KMT2C: variants seen among roughly 807,000 people sequenced by gnomAD.
The protein encoded by KMT2C is lysine methyltransferase 2C.
A neutral mutation model predicts 507.9 loss-of-function variants in KMT2C; 88 were observed. The ratio of observed to expected loss-of-function variants is 0.17; its 90% CI spans 0.15 to 0.21. KMT2C has a LOEUF of 0.21. Among genes scored for constraint, KMT2C ranks in the 10% least tolerant of loss-of-function variants. The pLI, the probability that KMT2C is intolerant of heterozygous loss-of-function variation, is 1.00. For missense variants in KMT2C, 4,954 were observed against 5,957.8 expected (o/e 0.83, Z 5.55); for synonymous variants, 2,049 against 2,080.8 (o/e 0.98, Z 0.42).
At chr7:152,379,452 C>T (rs111545456) in intron 1 of KMT2C, among the ~76,000 whole-genome samples, 1 of 151,726 alleles carries the variant, frequency 6.6e-6, no homozygotes, top group Admixed American at 6.6e-5. Flanking sequence ...GCAGGAGAAT[C>T]GCCTGAACCC....
At chr7:152,426,436 T>C (rs978631878) in intron 1 of KMT2C, among the ~76,000 whole-genome samples, 1 of 151,860 alleles carries the variant, frequency 6.6e-6, no homozygotes, top group Non-Finnish European at 1.5e-5. Context: ...GGGATCTCAC[T>C]ATGTTGCCCA....
chr7:152,350,883 A>T (rs2129226062), intron 2 of KMT2C, among the ~76,000 whole-genome samples: 1 of 152,222 alleles, frequency 6.6e-6, no homozygotes, highest in East Asian at 1.9e-4. Flanking sequence ...TAAAACACAC[A>T]CTGTACAGCT....
At chr7:152,245,403 A>G (rs1313250526) in intron 14 of KMT2C, among the ~76,000 whole-genome samples, 4 of 152,230 alleles carry the variant, frequency 2.6e-5, no homozygotes, top group African/African-American at 9.6e-5. Context: ...AGTATAAAGC[A>G]TCTTGTTCAT....
In KMT2C at chr7:152,309,507, CTTTTTT is replaced by C. The variant is rs60166582; in HGVS notation, c.849+453_849+458del. Among the ~76,000 whole-genome samples, 453 of 87,974 alleles carry C rather than the reference CTTTTTT, an allele frequency of 5.1e-3. 3 individuals are homozygous for C. The highest frequency in any genetic ancestry group is 0.019 in the African/African-American group (404 of 21,070). 57.7% of individuals were successfully genotyped at this position (87,974 alleles called of 152,430 possible). On this transcript the variant is annotated intron_variant, in intron 6 of 58. Coordinates refer to ENST00000262189, the MANE Select transcript of KMT2C (RefSeq NM_170606.3). ...CCCGGCTAATTTTTGCATAAAATAA[CTTTTTT>C]TTTTTTTTTTTTTTTTTTTTTAATT...
chr7:152,175,951 G>C (rs1176008827), intron 38 of KMT2C, among the ~76,000 whole-genome samples: 1 of 152,126 alleles, frequency 6.6e-6, no homozygotes, highest in Non-Finnish European at 1.5e-5. Context: ...GCTGAGGCAG[G>C]AGAATCACTT....
chr7:152,304,592 G>A (rs2129195451), intron 6 of KMT2C, among the ~76,000 whole-genome samples: 1 of 152,300 alleles, frequency 6.6e-6, no homozygotes, highest in East Asian at 1.9e-4. Flanking sequence ...CATTCTCAAT[G>A]TTGAAATGTC....
At chr7:152,207,264 T>A in intron 24 of KMT2C, 36 bp downstream of exon 24, 1 of 1,377,854 alleles carries the variant, frequency 7.3e-7, no homozygotes. Context: ...TAACCAAGTG[T>A]TGATGATATT....
At chr7:152,371,023 A>C (rs1174067150) in intron 1 of KMT2C, among the ~76,000 whole-genome samples, 1 of 152,246 alleles carries the variant, frequency 6.6e-6, no homozygotes, top group Non-Finnish European at 1.5e-5. Flanking sequence ...CTTCAAATTG[A>C]AACAAAAGAA....
intron 23 of KMT2C, among the ~76,000 whole-genome samples, chr7:152,213,832 G>A (rs1274659722): frequency 1.3e-5 from 2 of 150,430 alleles, no homozygotes; most frequent in African/African-American, 2.4e-5. Flanking sequence ...TCTGATAAGG[G>A]GTTAAAATCC....
At chr7:152,170,015 A>T (rs1482561480) in intron 40 of KMT2C, among the ~76,000 whole-genome samples, 2 of 152,258 alleles carry the variant, frequency 1.3e-5, no homozygotes, top group Non-Finnish European at 2.9e-5. Flanking sequence ...AGTTCTCCTT[A>T]ACATGAGCTG....
intron 44 of KMT2C, chr7:152,157,696 G>A (rs2092158853): frequency 3.1e-6 from 3 of 982,486 alleles, no homozygotes; most frequent in Admixed American, 9.8e-5. Context: ...AATAAGACAA[G>A]CTCTATCAAT....
At chr7:152,425,814 A>C (rs904819389) in intron 1 of KMT2C, among the ~76,000 whole-genome samples, 29 of 152,250 alleles carry the variant, frequency 1.9e-4, no homozygotes, top group South Asian at 2.1e-4. Context: ...GAGACCATCA[A>C]GTATGCTGCT....
chr7:152,317,640 C>A (rs961206086), intron 3 of KMT2C, among the ~76,000 whole-genome samples: 1 of 152,152 alleles, frequency 6.6e-6, no homozygotes, highest in Non-Finnish European at 1.5e-5. Context: ...TATGTTAACA[C>A]CTGTGACCAA....
At chr7:152,204,642 G>A (rs546343369) in intron 25 of KMT2C, among the ~76,000 whole-genome samples, 1 of 151,938 alleles carries the variant, frequency 6.6e-6, no homozygotes, top group Admixed American at 6.6e-5. Context: ...TAGATAGACA[G>A]ACAGATACAT....
At chr7:152,289,593 G>C (rs112385827) in intron 6 of KMT2C, among the ~76,000 whole-genome samples, 16 of 152,024 alleles carry the variant, frequency 1.1e-4, no homozygotes, top group South Asian at 6.2e-4. Context: ...CATATTTCTT[G>C]AAAAAAGGAA....
At chr7:152,216,201 G>C (rs185800483) in intron 23 of KMT2C, among the ~76,000 whole-genome samples, 138 of 152,292 alleles carry the variant, frequency 9.1e-4, no homozygotes, top group African/African-American at 3.2e-3. Flanking sequence ...GACAAACAGA[G>C]TGTTATTTTA....
chr7:152,301,697 A>T (rs1232111781), intron 6 of KMT2C, among the ~76,000 whole-genome samples: 1 of 152,168 alleles, frequency 6.6e-6, no homozygotes, highest in African/African-American at 2.4e-5. Context: ...AAACAGAAGT[A>T]GAAGCAAACA....
chr7:152,222,735 C>G, intron 20 of KMT2C, 53 bp from the exon 21 acceptor site: 3 of 989,824 alleles, frequency 3.0e-6, no homozygotes, highest in South Asian at 2.7e-5. Context: ...ATACTGAGAA[C>G]TGCTACCTTT....
At chr7:152,432,735 A>C (rs533556875) in intron 1 of KMT2C, among the ~76,000 whole-genome samples, 2 of 152,374 alleles carry the variant, frequency 1.3e-5, no homozygotes, top group Admixed American at 6.5e-5. Flanking sequence ...TAACACTATA[A>C]GACAAGAAAA....
Sources: allele counts gnomAD v4.1 joint callset (sites outside exome capture counted in the v4.1 genomes callset), GRCh38; gene constraint gnomAD v4.1.1; transcripts MANE v1.5; gene names NCBI Gene and HGNC (gene_info 2026-07-23, HGNC 2026-07-21).